The following ADCYAP1 variants were observed in gnomAD, a reference collection of about 807,000 sequenced individuals.
ADCYAP1 encodes the protein pituitary adenylate cyclase-activating polypeptide.
ADCYAP1 carries 6 observed loss-of-function variants against 18.5 expected under a neutral mutation model. The observed-to-expected ratio is 0.32, with a 90% CI of 0.18 to 0.64. The LOEUF is 0.64. Ranked by LOEUF, ADCYAP1 falls within the 30% of genes least tolerant of loss-of-function variation. The pLI is 0.77. For missense variants in ADCYAP1, 314 were observed against 253.6 expected, an observed-to-expected ratio of 1.24 and a Z score of -1.62; for synonymous variants, 136 against 113.9, an observed-to-expected ratio of 1.19 and a Z score of -1.24.
In ADCYAP1 at chr18:908,563, A is replaced by G. The variant is rs530358705; in HGVS notation, c.341+200A>G. On this transcript the variant is annotated intron_variant, in intron 4 of 4. Coordinates refer to ENST00000450565, the MANE Select transcript of ADCYAP1 (RefSeq NM_001099733.2). ...TGCCCAGAGAGCTCTGGAAGAGGCA[A>G]AAAGGGAACGCGAGCCAGGGAGTTT... Among the ~76,000 whole-genome samples, 3 of 152,290 alleles carry G rather than the reference A, an allele frequency of 2.0e-5. No individual in the cohort carries two copies. In the South Asian group the frequency reaches 6.2e-4, roughly 32 times the overall value.
In ADCYAP1 at chr18:909,873, AAT is replaced by A. The variant is rs35018620; in HGVS notation, c.*270_*271del. On this transcript the variant is annotated 3_prime_UTR_variant, in exon 5 of 5. Coordinates refer to ENST00000450565, the MANE Select transcript of ADCYAP1 (RefSeq NM_001099733.2). ...ATATATATTATAAATATATATAAAG[AAT>A]ATATATATATATATATATATATATA... The A allele has an allele frequency of 0.084, 11,977 of 142,974 alleles. 466 individuals are homozygous for A. The highest frequency in any genetic ancestry group is 0.1 in the Non-Finnish European group (6,669 of 65,910). 8.9% of individuals were successfully genotyped at this position (142,974 alleles called of 1,614,324 possible).
chr18:909,428 C>G lies in ADCYAP1; in HGVS notation c.342-18C>G. ...GTCTCCCGCCCCGCCACCCTCTTCC[C>G]GACCCCTTTGCTTGCAGTGGGAGCC... is the stretch of plus-strand genomic sequence containing the variant. On this transcript the variant is annotated intron_variant, in intron 4 of 4. Transcript: ENST00000450565. 2 of 1,605,876 alleles carry G rather than the reference C, an allele frequency of 1.2e-6. No individual in the cohort carries two copies. The highest frequency in any genetic ancestry group is 8.5e-7 in the Non-Finnish European group (1 of 1,176,282).
At chr18:904,843 G>T (rs557947079), upstream of ADCYAP1, 114 of 1,286,186 alleles carry the variant, frequency 8.9e-5, no homozygotes, top group African/African-American at 1.7e-3. Flanking sequence ...GCTCCCTCCT[G>T]GTTCTGCGCG....
upstream of ADCYAP1, chr18:904,439 G>A (rs1359403266): frequency 7.8e-7 from 1 of 1,288,328 alleles, no homozygotes; most frequent in Non-Finnish European, 1.0e-6. Context: ...CAACAGGCAG[G>A]CAGATGTTGA....
intron 1 of ADCYAP1, 95 bp from the exon 2 acceptor site, chr18:905,291 C>G (rs548688850): frequency 3.3e-6 from 5 of 1,535,236 alleles, no homozygotes; most frequent in South Asian, 1.2e-5. Flanking sequence ...GGCTTCGCTC[C>G]GTCCCTCCCC....
chr18:909,732 A>G lies in ADCYAP1; in HGVS notation c.*97A>G. The G allele has an allele frequency of 2.7e-6, 3 of 1,091,044 alleles. No homozygotes were observed. Among genetic ancestry groups the G allele is most frequent in the Non-Finnish European group, 3.9e-6 (3 of 768,034 alleles). 67.6% of individuals were successfully genotyped at this position (1,091,044 alleles called of 1,614,324 possible). On this transcript the variant is annotated 3_prime_UTR_variant, in exon 5 of 5. Transcript: ENST00000450565. Reference sequence around the variant, plus strand: ...AGTCATCGCTCGTGTGTTCTATCCAAACATGTATTTATGTAATGAAGTAAA... The same window carrying G: ...AGTCATCGCTCGTGTGTTCTATCCAGACATGTATTTATGTAATGAAGTAAA...
chr18:909,172 C>G (rs1909288641), intron 4 of ADCYAP1, among the ~76,000 whole-genome samples: 1 of 152,234 alleles, frequency 6.6e-6, no homozygotes, highest in East Asian at 1.9e-4. Context: ...AAAGGTTAGG[C>G]TTGAAGCGCG....
At chr18:905,828 A>T (rs1909150306) in intron 2 of ADCYAP1, 1 of 362,272 alleles carries the variant, frequency 2.8e-6, no homozygotes, top group East Asian at 5.3e-5. Context: ...GGTTTCTTTT[A>T]CCTATTCTTG....
chr18:904,833 G>A (rs1376354735), upstream of ADCYAP1: 1 of 1,285,164 alleles, frequency 7.8e-7, no homozygotes, highest in African/African-American at 1.5e-5. Context: ...TCCGTGTCAC[G>A]CTCCCTCCTG....
Position 904,989 on chromosome 18 carries a change from G to T in ADCYAP1, c.-73G>T, listed in dbSNP as rs1909104476. The T allele has an allele frequency of 2.3e-6, 3 of 1,291,244 alleles. No homozygotes were observed. Among genetic ancestry groups the T allele is most frequent in the Non-Finnish European group, 3.0e-6 (3 of 990,040 alleles). The allele number at this position is 1,291,244 out of a possible 1,614,324, so 80.0% of individuals were successfully genotyped here. On this transcript the variant is annotated 5_prime_UTR_variant, in exon 1 of 5. Coordinates refer to ENST00000450565, the MANE Select transcript of ADCYAP1 (RefSeq NM_001099733.2). ...ATGCCTCTCGGGTGGTGACTCCAGCGCAGGAACTTGAAGAAGCGCTTTGCC... is the reference window on the plus strand; with the variant it reads ...ATGCCTCTCGGGTGGTGACTCCAGCTCAGGAACTTGAAGAAGCGCTTTGCC...
rs1208837367 is a variant in ADCYAP1 at position 904,952 on chromosome 18, C to A, written c.-110C>A. The A allele has an allele frequency of 7.7e-7, 1 of 1,290,776 alleles. No homozygotes were observed. Among genetic ancestry groups the A allele is most frequent in the Non-Finnish European group, 1.0e-6 (1 of 989,950 alleles). The allele number at this position is 1,290,776 out of a possible 1,614,324, so 80.0% of individuals were successfully genotyped here. ...CCTGCGGCTTCTGCTCAGACACCAA[C>A]GCCAGACGGCGATGCCTCTCGGGTG... On this transcript the variant is annotated 5_prime_UTR_variant, in exon 1 of 5. Coordinates refer to ENST00000450565, the MANE Select transcript of ADCYAP1 (RefSeq NM_001099733.2).
chr18:909,255 G>A (rs1299118705), intron 4 of ADCYAP1, among the ~76,000 whole-genome samples, 191 bp from the exon 5 acceptor site: 9 of 152,346 alleles, frequency 5.9e-5, no homozygotes, highest in East Asian at 3.9e-4. Flanking sequence ...GTGGGGAGGG[G>A]GGCATCGAGG....
At chr18:909,316 C>A in intron 4 of ADCYAP1, 130 bp from the exon 5 acceptor site, 1 of 850,870 alleles carries the variant, frequency 1.2e-6, no homozygotes, top group Non-Finnish European at 1.7e-6. Flanking sequence ...AGGCGGGCGA[C>A]GCGGTGGGCA....
At chr18:908,487 G>T (rs1387602720) in intron 4 of ADCYAP1, 124 bp downstream of exon 4, 4 of 677,222 alleles carry the variant, frequency 5.9e-6, no homozygotes, top group Non-Finnish European at 9.4e-6. Flanking sequence ...GGTCTGGGGT[G>T]GGCATCCGCC....
At chr18:908,483 G>T in intron 4 of ADCYAP1, 120 bp downstream of exon 4, 1 of 710,224 alleles carries the variant, frequency 1.4e-6, no homozygotes, top group South Asian at 2.3e-5. Flanking sequence ...CCTGGGTCTG[G>T]GGTGGGCATC....
At chr18:909,328 T>TGCGA in intron 4 of ADCYAP1, 118 bp from the exon 5 acceptor site, 1 of 1,001,610 alleles carries the variant, frequency 1.0e-6, no homozygotes, top group Non-Finnish European at 1.4e-6. Context: ...CGGTGGGCAG[T>TGCGA]GCGAGCCCCG....
chr18:909,194 C>G (rs929545632), intron 4 of ADCYAP1, among the ~76,000 whole-genome samples: 17 of 152,208 alleles, frequency 1.1e-4, no homozygotes, highest in African/African-American at 3.9e-4. Context: ...GTCGCCTGCC[C>G]GGATCTTATC....
chr18:908,013 C>T, intron 3 of ADCYAP1: 2 of 874,498 alleles, frequency 2.3e-6, no homozygotes, highest in Non-Finnish European at 3.3e-6. Flanking sequence ...GGCTGTGGCC[C>T]AAAGAGTGGC....
rs1315537449 is a variant in ADCYAP1 at position 909,718 on chromosome 18, G to T, written c.*83G>T. On this transcript the variant is annotated 3_prime_UTR_variant, in exon 5 of 5. Transcript: ENST00000450565. ...CAAACTGACTCAACAGTCATCGCTC[G>T]TGTGTTCTATCCAAACATGTATTTA... The T allele has an allele frequency of 7.9e-7, 1 of 1,263,870 alleles. No individual in the cohort carries two copies. Among genetic ancestry groups the T allele is most frequent in the Non-Finnish European group, 1.1e-6 (1 of 896,246 alleles). 78.3% of individuals were successfully genotyped at this position (1,263,870 alleles called of 1,614,324 possible). A position where few individuals can be genotyped will look rare whatever the true frequency, so the allele number is the denominator to read the frequency against.
Sources: gnomAD v4.1 joint callset for allele counts (sites outside exome capture counted in the v4.1 genomes callset) on GRCh38, gnomAD v4.1.1 for gene constraint, MANE v1.5 for transcripts, NCBI Gene and HGNC (gene_info 2026-07-23, HGNC 2026-07-21) for gene names.